TINAG: variants seen among roughly 807,000 people sequenced by gnomAD.
TINAG encodes the protein tubulointerstitial nephritis antigen.
TINAG carries 83 observed loss-of-function variants against 72.7 expected under a neutral mutation model. The observed-to-expected ratio is 1.14, with a 90% confidence interval of 0.96 to 1.37. The LOEUF is 1.37. Among genes scored for constraint, TINAG ranks in the 40% most tolerant of loss-of-function variants. TINAG has a pLI of 0.00. For synonymous variants in TINAG, 234 were observed against 189.9 expected, an observed-to-expected ratio of 1.23 and a Z score of -1.91; for missense variants, 685 against 576.6, an observed-to-expected ratio of 1.19 and a Z score of -1.93.
chr6:54,311,722 G>T (rs1582689723), intron 1 of TINAG, among the ~76,000 whole-genome samples: 1 of 152,168 alleles, frequency 6.6e-6, no homozygotes, highest in South Asian at 2.1e-4. Context: ...TTAATATCAG[G>T]TACAGCAAGT....
At chr6:54,324,289 T>A (rs1267131022) in intron 3 of TINAG, among the ~76,000 whole-genome samples, 2 of 152,200 alleles carry the variant, frequency 1.3e-5, no homozygotes, top group Non-Finnish European at 2.9e-5. Flanking sequence ...GAGCCTCAAC[T>A]GAGGCTGAAT....
intron 3 of TINAG, among the ~76,000 whole-genome samples, chr6:54,323,609 G>T (rs1219455829): frequency 3.9e-5 from 6 of 152,118 alleles, no homozygotes; most frequent in Non-Finnish European, 8.8e-5. Context: ...AATGTAATCA[G>T]TTGATATTAA....
At chr6:54,375,921 A>G (rs1165781391) in intron 9 of TINAG, among the ~76,000 whole-genome samples, 1 of 152,072 alleles carries the variant, frequency 6.6e-6, no homozygotes, top group Non-Finnish European at 1.5e-5. Context: ...TTTATCACCA[A>G]CTTTGTAAAT....
chr6:54,309,915 G>A (rs1352429111), intron 1 of TINAG, among the ~76,000 whole-genome samples: 2 of 151,350 alleles, frequency 1.3e-5, no homozygotes, highest in Non-Finnish European at 1.5e-5. Context: ...TAAAATTGAG[G>A]AAATGTCTCT....
At chr6:54,367,473 A>C (rs932441098) in intron 9 of TINAG, among the ~76,000 whole-genome samples, 1 of 151,806 alleles carries the variant, frequency 6.6e-6, no homozygotes, top group African/African-American at 2.4e-5. Context: ...TGGACAGGTA[A>C]TATTGTAAAT....
intron 4 of TINAG, among the ~76,000 whole-genome samples, chr6:54,335,349 A>G (rs1294616384): frequency 2.0e-5 from 3 of 152,206 alleles, no homozygotes; most frequent in Non-Finnish European, 2.9e-5. Flanking sequence ...AATTTAAATT[A>G]CCTAGTGCTT....
intron 9 of TINAG, among the ~76,000 whole-genome samples, chr6:54,366,216 T>G (rs1402969013): frequency 6.6e-6 from 1 of 151,274 alleles, no homozygotes; most frequent in Non-Finnish European, 1.5e-5. Context: ...AAATTAATGG[T>G]CTATGAATAC....
At chr6:54,357,781 T>C (rs1317931398) in intron 9 of TINAG, among the ~76,000 whole-genome samples, 1 of 151,982 alleles carries the variant, frequency 6.6e-6, no homozygotes, top group African/African-American at 2.4e-5. Flanking sequence ...CTAACAAATT[T>C]TACTGCATTG....
intron 9 of TINAG, among the ~76,000 whole-genome samples, chr6:54,357,659 G>A (rs1273005767): frequency 6.6e-6 from 1 of 151,584 alleles, no homozygotes; most frequent in Non-Finnish European, 1.5e-5. Flanking sequence ...ACCTCTTTTG[G>A]CCCTTTCAAC....
intron 1 of TINAG, among the ~76,000 whole-genome samples, chr6:54,319,710 A>G (rs1044833597): frequency 1.2e-4 from 19 of 152,142 alleles, no homozygotes; most frequent in Admixed American, 3.9e-4. Flanking sequence ...AGTTTGCCCT[A>G]TGATTTTAGG....
intron 4 of TINAG, among the ~76,000 whole-genome samples, chr6:54,331,808 C>A (rs1378792507): frequency 6.6e-6 from 1 of 152,162 alleles, no homozygotes; most frequent in South Asian, 2.1e-4. Context: ...TTCCTATACA[C>A]CAATAATAGA....
intron 1 of TINAG, among the ~76,000 whole-genome samples, chr6:54,310,696 T>C (rs944150992): frequency 4.0e-5 from 5 of 125,964 alleles, no homozygotes; most frequent in Non-Finnish European, 7.3e-5. Flanking sequence ...TTCTTCTTTT[T>C]TCTCTCTCTC....
intron 9 of TINAG, among the ~76,000 whole-genome samples, chr6:54,370,725 G>C (rs1221502592): frequency 6.6e-6 from 1 of 152,070 alleles, no homozygotes; most frequent in Admixed American, 6.6e-5. Flanking sequence ...TGTCGGAAGA[G>C]TAGAGGTGCA....
chr6:54,310,292 C>T (rs778826066), intron 1 of TINAG, among the ~76,000 whole-genome samples: 4 of 151,984 alleles, frequency 2.6e-5, no homozygotes, highest in Non-Finnish European at 4.4e-5. Flanking sequence ...GCTATGTTGC[C>T]TAGGCTCGTC....
At chr6:54,310,632 C>T (rs1269685748) in intron 1 of TINAG, among the ~76,000 whole-genome samples, 2 of 141,804 alleles carry the variant, frequency 1.4e-5, no homozygotes, top group Admixed American at 7.5e-5. Flanking sequence ...CCCTTCCTTC[C>T]TTCCTCCCTC....
chr6:54,339,527 G>T (rs1784948093), intron 4 of TINAG, among the ~76,000 whole-genome samples: 1 of 152,182 alleles, frequency 6.6e-6, no homozygotes. Context: ...CTTAGTGATA[G>T]CAGCCTGGGT....
intron 4 of TINAG, among the ~76,000 whole-genome samples, chr6:54,338,548 C>T (rs1784921654): frequency 6.6e-6 from 1 of 151,808 alleles, no homozygotes; most frequent in African/African-American, 2.4e-5. Context: ...GGTGAAACCC[C>T]GTTTGTACTA....
chr6:54,314,820 AT>A (rs1366892235), intron 1 of TINAG, among the ~76,000 whole-genome samples: 2 of 152,140 alleles, frequency 1.3e-5, no homozygotes, highest in Admixed American at 6.6e-5. Context: ...GAGAGGTAGA[AT>A]TTTGCTAAGA....
intron 9 of TINAG, chr6:54,367,124 T>A (rs2150971967): frequency 6.6e-6 from 1 of 151,872 alleles, no homozygotes; most frequent in East Asian, 1.9e-4. Context: ...CAGTGTAAAT[T>A]CTAAGACGTG....
Sources: allele counts gnomAD v4.1 joint callset (sites outside exome capture counted in the v4.1 genomes callset), GRCh38; gene constraint gnomAD v4.1.1; transcripts MANE v1.5; gene names NCBI Gene and HGNC (gene_info 2026-07-23, HGNC 2026-07-21).